Variants in TNS1 observed in about 807,000 individuals in gnomAD.
TNS1 encodes the protein tensin-1.
A neutral mutation model predicts 168.6 loss-of-function variants in TNS1; 62 were observed. The observed-to-expected ratio is 0.37, with a 90% CI of 0.30 to 0.45. The LOEUF is 0.45. TNS1 is among the 20% of genes least tolerant of loss of function. TNS1 has a pLI of 1.00. For synonymous variants in TNS1, 934 were observed against 933.2 expected, an observed-to-expected ratio of 1.00 and a Z score of -0.02; for missense variants, 2,240 against 2,339.4, an observed-to-expected ratio of 0.96 and a Z score of 0.88.
At chr2:217,918,533 C>T (rs1028710966) in intron 4 of TNS1, among the ~76,000 whole-genome samples, 7 of 152,194 alleles carry the variant, frequency 4.6e-5, no homozygotes, top group Non-Finnish European at 8.8e-5. Context: ...ACTGCAGTCC[C>T]CCCAGCTGGA....
At chr2:217,881,117 G>A (rs950542722) in intron 17 of TNS1, 103 bp from the exon 18 acceptor site, 15 of 774,370 alleles carry the variant, frequency 1.9e-5, no homozygotes, top group African/African-American at 1.7e-4. Flanking sequence ...CTCCCCAAAA[G>A]AGGCTCCCTG....
intron 3 of TNS1, among the ~76,000 whole-genome samples, chr2:217,977,286 G>C (rs1158100596): frequency 2.6e-5 from 4 of 152,174 alleles, no homozygotes; most frequent in Non-Finnish European, 4.4e-5. Flanking sequence ...TCCATCCAGG[G>C]GAGGAAAGGC....
intron 3 of TNS1, among the ~76,000 whole-genome samples, chr2:217,956,159 G>C: frequency 6.6e-6 from 1 of 152,110 alleles, no homozygotes; most frequent in East Asian, 1.9e-4. Context: ...TGTTTGTTTG[G>C]CTTGGTTAAA....
At chr2:217,887,703 G>A (rs1006825616) in intron 12 of TNS1, among the ~76,000 whole-genome samples, 1 of 152,194 alleles carries the variant, frequency 6.6e-6, no homozygotes, top group Non-Finnish European at 1.5e-5. Flanking sequence ...TAAGGTCCAG[G>A]AGGGGTCACT....
intron 3 of TNS1, among the ~76,000 whole-genome samples, chr2:217,960,063 G>A (rs1248529207): frequency 3.9e-5 from 6 of 152,076 alleles, no homozygotes; most frequent in Non-Finnish European, 5.9e-5. Context: ...TAGGGCCACC[G>A]CTGCACAGCC....
chr2:217,981,654 T>A (rs1958051289), intron 2 of TNS1, among the ~76,000 whole-genome samples: 1 of 152,122 alleles, frequency 6.6e-6, no homozygotes. Context: ...CCCCCATGAA[T>A]GGATATTGAC....
chr2:217,938,682 C>G (rs1281202669), intron 3 of TNS1, among the ~76,000 whole-genome samples: 1 of 152,236 alleles, frequency 6.6e-6, no homozygotes, highest in Non-Finnish European at 1.5e-5. Flanking sequence ...CTGGGAGTCT[C>G]CGATTCTGTG....
chr2:217,922,841 G>A (rs1220150625), intron 3 of TNS1, among the ~76,000 whole-genome samples: 1 of 152,224 alleles, frequency 6.6e-6, no homozygotes, highest in Admixed American at 6.5e-5. Flanking sequence ...CACCCCCGAC[G>A]GCGTCCTCCA....
chr2:217,859,670 T>A, intron 18 of TNS1: 1 of 1,536,308 alleles, frequency 6.5e-7, no homozygotes, highest in Non-Finnish European at 8.7e-7. Flanking sequence ...TGCTTCCAAT[T>A]GACTGGCTAT....
Position 217,897,825 on chromosome 2 carries a change from G to A in TNS1, c.516C>T (p.Leu172=). ...GGTAGTTGCCTCCATGTTTGGACTT[G>A]AGCATCTGCGCCACCTCACGGAGGT... ...RSNLREVAQM[L]KSKHGGNYLL... Residue 172 remains leucine, a synonymous_variant, in exon 8 of 33, where the codon CTC becomes CTT. Transcript: ENST00000682258. 6.2e-7 allele frequency: 1 copy of A among 1,609,602 alleles called. No homozygotes were observed. Among genetic ancestry groups the A allele is most frequent in the African/African-American group, 1.3e-5 (1 of 74,994 alleles).
intron 3 of TNS1, among the ~76,000 whole-genome samples, chr2:217,932,685 G>A (rs1956383973): frequency 6.6e-6 from 1 of 152,120 alleles, no homozygotes; most frequent in Non-Finnish European, 1.5e-5. Context: ...GGAGAGGAAG[G>A]AGCTGATTTT....
chr2:218,008,163 G>C (rs1958676489), intron 1 of TNS1, among the ~76,000 whole-genome samples: 1 of 152,132 alleles, frequency 6.6e-6, no homozygotes, highest in Non-Finnish European at 1.5e-5. Context: ...GCGGAGACGT[G>C]TCTGGGCCCA....
At chr2:217,811,004 G>A (rs552954400) in intron 28 of TNS1, among the ~76,000 whole-genome samples, 1 of 151,890 alleles carries the variant, frequency 6.6e-6, no homozygotes, top group East Asian at 1.9e-4. Context: ...TTAGCCTCCA[G>A]CGTAGCTGGG....
At chr2:218,014,428 C>A (rs1390969539), upstream of TNS1, among the ~76,000 whole-genome samples, 1 of 152,160 alleles carries the variant, frequency 6.6e-6, no homozygotes, top group Admixed American at 6.5e-5. Flanking sequence ...AGCACCCACA[C>A]CAGGGATGGA....
intron 3 of TNS1, among the ~76,000 whole-genome samples, chr2:217,921,345 C>G (rs1168401135): frequency 2.0e-5 from 3 of 152,162 alleles, no homozygotes; most frequent in Admixed American, 1.3e-4. Context: ...CTGCCTCCCC[C>G]AGACAGTGGG....
chr2:218,031,077 TTTGTGA>T (rs1440697774), intron 1 of TNS1, among the ~76,000 whole-genome samples: 3 of 149,678 alleles, frequency 2.0e-5, no homozygotes, highest in African/African-American at 7.6e-5. Flanking sequence ...TATGTGTGTG[TTTGTGA>T]GTGTGTGAGC....
At chr2:217,977,704 G>A (rs1160252280) in intron 3 of TNS1, among the ~76,000 whole-genome samples, 1 of 152,188 alleles carries the variant, frequency 6.6e-6, no homozygotes, top group Non-Finnish European at 1.5e-5. Context: ...CAGAAACTCA[G>A]AGAGGTACAT....
At chr2:218,025,946 T>A (rs892491324) in intron 1 of TNS1, among the ~76,000 whole-genome samples, 3 of 152,204 alleles carry the variant, frequency 2.0e-5, no homozygotes, top group African/African-American at 7.2e-5. Context: ...CAGGCCTCTT[T>A]TCCTCTCTCC....
In TNS1 at chr2:217,818,124, C is replaced by G. The variant is rs761518907; in HGVS notation, c.4208G>C (p.Ser1403Thr). The G allele has an allele frequency of 6.2e-7, 1 of 1,614,034 alleles. No homozygotes were observed. Among genetic ancestry groups the G allele is most frequent in the Non-Finnish European group, 8.5e-7 (1 of 1,179,986 alleles). ...SNAIASPGSP[S>T]LGRHLGGSGS... Reference sequence around the variant, plus strand: ...AGACCCTCCGAGGTGACGGCCCAGGCTGGGGCTTCCAGGGCTGGCTATTGC... The same window carrying G: ...AGACCCTCCGAGGTGACGGCCCAGGGTGGGGCTTCCAGGGCTGGCTATTGC... The change falls in exon 24 of 33, where the codon AGC (serine) becomes ACC (threonine). Residue 1403 changes from serine to threonine, a missense_variant. Around this residue, in one of 2 missense-constraint regions of TNS1, gnomAD observed 2,131 missense variants for 2,171.2 expected, o/e 0.98. Transcript: ENST00000682258.
Sources: allele counts gnomAD v4.1 joint callset (sites outside exome capture counted in the v4.1 genomes callset), GRCh38; gene constraint gnomAD v4.1.1; regional missense constraint gnomAD v4.1.1; transcripts MANE v1.5; gene names NCBI Gene and HGNC (gene_info 2026-07-23, HGNC 2026-07-21).